KCNN3: variants seen among roughly 807,000 people sequenced by gnomAD.
KCNN3 encodes potassium calcium-activated channel subfamily N member 3, also known as small conductance calcium-activated potassium channel protein 3.
KCNN3 carries 16 observed loss-of-function variants against 62.9 expected under a neutral mutation model. The ratio of observed to expected loss-of-function variants is 0.25; its 90% CI spans 0.17 to 0.39. The LOEUF is 0.39. Among genes scored for constraint, KCNN3 ranks in the 10% least tolerant of loss-of-function variants. The pLI is 1.00. For missense variants in KCNN3, 599 were observed against 949.4 expected (o/e 0.63, Z 4.85); for synonymous variants, 370 against 389.2 (o/e 0.95, Z 0.58).
chr1:154,744,644 AT>A (rs1398520126), intron 3 of KCNN3, among the ~76,000 whole-genome samples: 1 of 152,238 alleles, frequency 6.6e-6, no homozygotes, highest in African/African-American at 2.4e-5. Context: ...TTTTATTCCC[AT>A]TCCCAGCTCT....
chr1:154,753,557 C>T (rs1647487383), intron 3 of KCNN3, among the ~76,000 whole-genome samples: 1 of 152,238 alleles, frequency 6.6e-6, no homozygotes, highest in Admixed American at 6.5e-5. Context: ...AAAAGCCCTG[C>T]CACAGGCGAT....
intron 1 of KCNN3, among the ~76,000 whole-genome samples, chr1:154,823,952 G>A (rs1454005123): frequency 2.6e-5 from 4 of 152,178 alleles, no homozygotes; most frequent in African/African-American, 4.8e-5. Context: ...TCTCCCTGAT[G>A]TCTATTAATC....
At chr1:154,754,592 T>G (rs1285382296) in intron 3 of KCNN3, among the ~76,000 whole-genome samples, 1 of 152,186 alleles carries the variant, frequency 6.6e-6, no homozygotes, top group Non-Finnish European at 1.5e-5. Context: ...ATTTTGTCCA[T>G]TTCTCTTTCC....
intron 2 of KCNN3, among the ~76,000 whole-genome samples, chr1:154,813,645 C>T (rs1450166396): frequency 6.6e-6 from 1 of 152,180 alleles, no homozygotes; most frequent in Non-Finnish European, 1.5e-5. Context: ...GTCAACAGAA[C>T]CCCAGCTGAC....
At chr1:154,732,187 C>A (rs1203876703) in intron 4 of KCNN3, among the ~76,000 whole-genome samples, 1 of 152,242 alleles carries the variant, frequency 6.6e-6, no homozygotes, top group Non-Finnish European at 1.5e-5. Context: ...GTCCAATATG[C>A]AGAGTGCCTG....
chr1:154,791,643 G>A (rs1019332813), intron 2 of KCNN3, among the ~76,000 whole-genome samples: 2 of 152,188 alleles, frequency 1.3e-5, no homozygotes, highest in African/African-American at 4.8e-5. Flanking sequence ...ACCTCGAAAG[G>A]GAACGAAAGG....
rs1044493008 is a variant in KCNN3, at chr1:154,862,592, T to C, written c.933+6440A>G. 3.3e-5 allele frequency among the ~76,000 whole-genome samples: 5 copies of C among 151,892 alleles called. No homozygotes were observed. Among genetic ancestry groups the C allele is most frequent in the African/African-American group, 1.2e-4 (5 of 41,328 alleles). On this transcript the variant is annotated intron_variant, in intron 1 of 7. Transcript: ENST00000271915. This position sits in a 1 kb window ranked among gnomAD's most constrained non-coding sequence, Gnocchi z 4.1. ...TTCCCTGTATTCTCCACACCTACCC[T>C]CCTCACAACCTGCCCGGTATCACCC...
intron 5 of KCNN3, among the ~76,000 whole-genome samples, chr1:154,715,266 G>A (rs932549035): frequency 4.0e-5 from 6 of 151,800 alleles, no homozygotes; most frequent in African/African-American, 9.7e-5. Context: ...GGTGAAACCC[G>A]TCTCTACAAA....
Position 154,869,740 on chromosome 1 carries a change from CTGCTG to C in KCNN3, c.220_224del (p.Gln74AlafsTer59). ...GATGCGGTGGCTGCTGCTGCTGCTGCTGCTGCTGCTGCTGCTGCTGCTGCTGAAGC... is the reference window on the plus strand; with the variant it reads ...GATGCGGTGGCTGCTGCTGCTGCTGCCTGCTGCTGCTGCTGCTGCTGAAGC... On this transcript the variant is annotated frameshift_variant, in exon 1 of 8. Transcript: ENST00000271915. LOFTEE classifies it high-confidence loss of function. This position sits in a 1 kb window ranked among gnomAD's most constrained non-coding sequence, Gnocchi z 6.1. 1 of 1,528,428 alleles carries C rather than the reference CTGCTG, an allele frequency of 6.5e-7. No homozygotes were observed. Among genetic ancestry groups the C allele is most frequent in the African/African-American group, 1.4e-5 (1 of 72,374 alleles). The allele number at this position is 1,528,428 out of a possible 1,614,324, so 94.7% of individuals were successfully genotyped here.
intron 3 of KCNN3, among the ~76,000 whole-genome samples, chr1:154,737,712 T>G (rs1033726444): frequency 1.3e-5 from 2 of 151,538 alleles, no homozygotes; most frequent in Non-Finnish European, 2.9e-5. Context: ...TGGAAGATGA[T>G]AAATCGAGGA....
chr1:154,785,367 C>G (rs1204202096), intron 2 of KCNN3, among the ~76,000 whole-genome samples: 2 of 152,012 alleles, frequency 1.3e-5, no homozygotes, highest in Non-Finnish European at 2.9e-5. Context: ...AGGTCAGGAC[C>G]AGGTGGTGGT....
chr1:154,726,162 A>G lies in KCNN3; in HGVS notation c.1591-136T>C, dbSNP rs1282921093. On this transcript the variant is annotated intron_variant, in intron 4 of 7. Coordinates refer to ENST00000271915, the MANE Select transcript of KCNN3 (RefSeq NM_002249.6). Reference sequence around the variant, plus strand: ...GGGAACTTGAGCTCTCTGGCTGGTCACGACCAAGCCACAAAAATCTGTTGA... The same window carrying G: ...GGGAACTTGAGCTCTCTGGCTGGTCGCGACCAAGCCACAAAAATCTGTTGA... The G allele has an allele frequency of 2.9e-5, 19 of 651,464 alleles. No individual in the cohort carries two copies. The East Asian group carries it at 5.3e-4, about 18-fold the overall frequency. The allele number at this position is 651,464 out of a possible 1,614,324, so 40.4% of individuals were successfully genotyped here. A position where few individuals can be genotyped will look rare whatever the true frequency, so the allele number is the denominator to read the frequency against.
intron 3 of KCNN3, among the ~76,000 whole-genome samples, chr1:154,770,597 A>G (rs1162296438): frequency 6.6e-6 from 1 of 152,190 alleles, no homozygotes; most frequent in Non-Finnish European, 1.5e-5. Flanking sequence ...AAAATAATCT[A>G]TCTCAAGCAA....
chr1:154,741,770 A>G (rs1700826498), intron 3 of KCNN3, among the ~76,000 whole-genome samples: 1 of 151,204 alleles, frequency 6.6e-6, no homozygotes, highest in Non-Finnish European at 1.5e-5. Flanking sequence ...GGCTCTAGCC[A>G]TTTGTCCTGG....
At chr1:154,806,431 T>A (rs950300432) in intron 2 of KCNN3, among the ~76,000 whole-genome samples, 8 of 152,176 alleles carry the variant, frequency 5.3e-5, no homozygotes, top group African/African-American at 1.9e-4. Flanking sequence ...GCTCACAACA[T>A]CAGCATGTGG....
intron 3 of KCNN3, among the ~76,000 whole-genome samples, chr1:154,752,777 G>A (rs998000269): frequency 1.3e-5 from 2 of 152,192 alleles, no homozygotes; most frequent in African/African-American, 2.4e-5. Flanking sequence ...CCACACTATG[G>A]TGGGGGAGTT....
At chr1:154,835,207 T>G (rs925289248) in intron 1 of KCNN3, among the ~76,000 whole-genome samples, 5 of 152,248 alleles carry the variant, frequency 3.3e-5, no homozygotes, top group African/African-American at 1.2e-4. Context: ...AAACAGCCTA[T>G]GCAGAGGGTG....
intron 3 of KCNN3, 100 bp from the exon 4 acceptor site, chr1:154,733,244 G>A (rs1700636541): frequency 1.6e-6 from 2 of 1,278,020 alleles, no homozygotes; most frequent in Non-Finnish European, 2.3e-6. Context: ...ATATTTTGCT[G>A]AGGAAGAGGC....
chr1:154,829,646 G>A (rs1002178210), intron 1 of KCNN3, among the ~76,000 whole-genome samples: 7 of 152,156 alleles, frequency 4.6e-5, no homozygotes, highest in Non-Finnish European at 4.4e-5. Context: ...ATCAGGATGC[G>A]GGGTCTGACC....
Sources: allele counts gnomAD v4.1 joint callset (sites outside exome capture counted in the v4.1 genomes callset), GRCh38; gene constraint gnomAD v4.1.1; non-coding constraint Gnocchi (gnomAD v3.1); transcripts MANE v1.5; gene names NCBI Gene and HGNC (gene_info 2026-07-23, HGNC 2026-07-21).